The following PMS1 variants were observed in gnomAD, a reference collection of about 807,000 sequenced individuals.
PMS1 encodes PMS1 homolog 1, mismatch repair system component.
A neutral mutation model predicts 93.1 loss-of-function variants in PMS1; 79 were observed. That is an observed-to-expected ratio of 0.85 (90% CI 0.71 to 1.02). The LOEUF (loss-of-function observed/expected upper bound fraction) is 1.02. PMS1 is among the 50% of genes least tolerant of loss of function. The probability of loss-of-function intolerance (pLI) is 0.00; values close to 1 mark genes in which losing one functional copy is unlikely to be tolerated. For synonymous variants in PMS1, 335 were observed against 363.4 expected, an observed-to-expected ratio of 0.92 and a Z score of 0.89; for missense variants, 1,064 against 1,085.3, an observed-to-expected ratio of 0.98 and a Z score of 0.28.
chr2:189,817,572 A>AT (rs1423955905), intron 4 of PMS1, among the ~76,000 whole-genome samples: 4 of 152,176 alleles, frequency 2.6e-5, no homozygotes, highest in Non-Finnish European at 5.9e-5. Context: ...GTTGTTGAAA[A>AT]TGAGGTAAAT....
intron 9 of PMS1, 64 bp from the exon 10 acceptor site, chr2:189,863,679 A>T (rs2056277668): frequency 2.4e-6 from 3 of 1,256,076 alleles, no homozygotes; most frequent in South Asian, 1.3e-5. Context: ...TATAAAATTT[A>T]CTTCAGATGG....
chr2:189,826,450 CTTTT>C (rs76322920), intron 5 of PMS1, among the ~76,000 whole-genome samples: 1 of 126,092 alleles, frequency 7.9e-6, no homozygotes. Flanking sequence ...GGTTTGGGGT[CTTTT>C]TTTTTTTTTT....
chr2:189,852,277 A>C (rs1252948917), intron 6 of PMS1, among the ~76,000 whole-genome samples: 1 of 152,234 alleles, frequency 6.6e-6, no homozygotes, highest in Admixed American at 6.5e-5. Context: ...TTAAAGACAA[A>C]AGGACAAACA....
chr2:189,789,103 A>G (rs938083478), intron 1 of PMS1, among the ~76,000 whole-genome samples: 2 of 152,182 alleles, frequency 1.3e-5, no homozygotes, highest in Non-Finnish European at 2.9e-5. Context: ...CCCAAAACTA[A>G]ATCAAATATA....
intron 5 of PMS1, among the ~76,000 whole-genome samples, chr2:189,829,699 C>T (rs950619079): frequency 1.3e-5 from 2 of 152,214 alleles, no homozygotes; most frequent in African/African-American, 4.8e-5. Flanking sequence ...TGCTGCCAGA[C>T]AGTCATACTC....
At chr2:189,787,368 T>C (rs4667307) in intron 1 of PMS1, among the ~76,000 whole-genome samples, 142,439 of 152,240 alleles carry the variant, frequency 0.94, 66,743 homozygotes, top group East Asian at 0.97. Context: ...AAGCATTTGA[T>C]TGTTCTGCCT....
Position 189,821,775 on chromosome 2 carries a change from C to A in PMS1, c.582+3595C>A, listed in dbSNP as rs1420520770. Among the ~76,000 whole-genome samples, 6 of 152,290 alleles carry A rather than the reference C, an allele frequency of 3.9e-5. No individual in the cohort carries two copies. The East Asian group carries it at 1.2e-3, about 29-fold the overall frequency. ...AGTGAGCCGAGATCGCACCACTGCACTCCAGCCTGGGCGACAGAGTGAGAA... is the reference window on the plus strand; with the variant it reads ...AGTGAGCCGAGATCGCACCACTGCAATCCAGCCTGGGCGACAGAGTGAGAA... On this transcript the variant is annotated intron_variant, in intron 5 of 12. Transcript: ENST00000441310.
At position 189,820,760 on chromosome 2, in the gene PMS1, A is replaced by G. The variant is rs1346721538; in HGVS notation, c.582+2580A>G. Among the ~76,000 whole-genome samples, 4 of 152,318 alleles carry G rather than the reference A, an allele frequency of 2.6e-5. No homozygotes were observed. In the East Asian group the frequency reaches 7.7e-4, roughly 29 times the overall value. On this transcript the variant is annotated intron_variant, in intron 5 of 12. Transcript: ENST00000441310. ...TCAGAGCAACTAATGGAATTGTTTT[A>G]TATTTTACAGTAATAGTGCTGAGGT...
intron 10 of PMS1, among the ~76,000 whole-genome samples, chr2:189,867,591 T>G (rs2056772915): frequency 6.6e-6 from 1 of 152,208 alleles, no homozygotes; most frequent in Non-Finnish European, 1.5e-5. Flanking sequence ...GAAGACAGAT[T>G]ATCTTCTTTC....
Position 189,863,854 on chromosome 2 carries a change from C to T in PMS1, c.1968C>T (p.Pro656=), listed in dbSNP as rs868387564. 8 of 1,613,890 alleles carry T rather than the reference C, an allele frequency of 5.0e-6. No individual in the cohort carries two copies. The Middle Eastern group carries it at 8.2e-4, about 166-fold the overall frequency. ...SLKDGRKKIK[P]TSAWNLAQKH... ...AAGATGGCAGAAAAAAGATAAAACC[C>T]ACCAGCGCATGGAATTTGGCCCAGA... The change falls in exon 10 of 13, where the codon CCC becomes CCT. Residue 656 remains proline, a synonymous_variant. Coordinates refer to ENST00000441310, the MANE Select transcript of PMS1 (RefSeq NM_000534.5).
At chr2:189,838,803 C>T (rs1003560383) in intron 5 of PMS1, among the ~76,000 whole-genome samples, 3 of 152,162 alleles carry the variant, frequency 2.0e-5, no homozygotes, top group African/African-American at 7.2e-5. Context: ...ACATCAGTTT[C>T]ACTGACTTGC....
chr2:189,827,372 AG>A (rs1474168141), intron 5 of PMS1, among the ~76,000 whole-genome samples: 1 of 152,240 alleles, frequency 6.6e-6, no homozygotes, highest in African/African-American at 2.4e-5. Context: ...ATGATCTCTA[AG>A]GCCCTTTTTA....
intron 10 of PMS1, 48 bp downstream of exon 10, chr2:189,864,276 G>A (rs767243307): frequency 2.4e-6 from 3 of 1,228,016 alleles, no homozygotes; most frequent in Non-Finnish European, 3.6e-6. Flanking sequence ...TATTATAATA[G>A]TTCATACTAG....
At chr2:189,833,789 A>G (rs2053160337) in intron 5 of PMS1, among the ~76,000 whole-genome samples, 1 of 152,190 alleles carries the variant, frequency 6.6e-6, no homozygotes, top group African/African-American at 2.4e-5. Flanking sequence ...ATGGATGAGA[A>G]TAATTCTTAA....
chr2:189,794,713 T>G (rs919677125), intron 2 of PMS1, among the ~76,000 whole-genome samples: 1 of 152,182 alleles, frequency 6.6e-6, no homozygotes, highest in African/African-American at 2.4e-5. Flanking sequence ...TCATAGAAAG[T>G]ATGATCACTA....
chr2:189,850,644 C>G (rs2054612009), intron 6 of PMS1, among the ~76,000 whole-genome samples: 1 of 152,064 alleles, frequency 6.6e-6, no homozygotes, highest in African/African-American at 2.4e-5. Flanking sequence ...TGGGGACCAT[C>G]ATCATTTATA....
chr2:189,840,282 A>G (rs780952170), intron 5 of PMS1, among the ~76,000 whole-genome samples: 1 of 152,200 alleles, frequency 6.6e-6, no homozygotes, highest in African/African-American at 2.4e-5. Flanking sequence ...TGGACAGAAA[A>G]CCAAAGTGAG....
chr2:189,863,287 T>C (rs1364016895), intron 9 of PMS1, among the ~76,000 whole-genome samples: 3 of 151,096 alleles, frequency 2.0e-5, no homozygotes, highest in African/African-American at 2.4e-5. Flanking sequence ...AGAGTCTTGC[T>C]CTGTCGCCCA....
chr2:189,863,089 A>G (rs917912883), intron 9 of PMS1, among the ~76,000 whole-genome samples: 3 of 152,110 alleles, frequency 2.0e-5, no homozygotes, highest in Non-Finnish European at 4.4e-5. Flanking sequence ...TAAAAGTCCT[A>G]TAAATGTGGG....
Sources: allele counts gnomAD v4.1 joint callset (sites outside exome capture counted in the v4.1 genomes callset), GRCh38; gene constraint gnomAD v4.1.1; transcripts MANE v1.5; gene names NCBI Gene and HGNC (gene_info 2026-07-23, HGNC 2026-07-21).